PDE2A: variants seen among roughly 807,000 people sequenced by gnomAD.
The protein encoded by PDE2A is phosphodiesterase 2A, also known as cGMP-dependent 3',5'-cyclic phosphodiesterase.
In PDE2A, 53 loss-of-function variants were observed where a neutral mutation model predicts 133.6. That is an observed-to-expected ratio of 0.40 (90% CI 0.32 to 0.50). The LOEUF (loss-of-function observed/expected upper bound fraction) is 0.50, where lower values mean the gene tolerates loss of function less well. Ranked by LOEUF, PDE2A falls within the 20% of genes least tolerant of loss-of-function variation. The pLI, the probability that PDE2A is intolerant of heterozygous loss-of-function variation, is 0.73. For missense variants in PDE2A, 796 were observed against 1,232.4 expected (o/e 0.65, Z 5.30); for synonymous variants, 491 against 490.2 (o/e 1.00, Z -0.02).
At chr11:72,659,114 C>A (rs1034046018) in intron 1 of PDE2A, among the ~76,000 whole-genome samples, 4 of 151,924 alleles carry the variant, frequency 2.6e-5, no homozygotes, top group Non-Finnish European at 5.9e-5. Flanking sequence ...GATAAAGGAA[C>A]CTGCCCAAGC....
chr11:72,626,675 G>A lies in PDE2A; in HGVS notation c.144+15579C>T, dbSNP rs189706709. ...TCGCACAAGCTGCTCCTTCCCCAGCGAAGCCCTACTCCACCTGCAGCGGCA... is the reference window on the plus strand; with the variant it reads ...TCGCACAAGCTGCTCCTTCCCCAGCAAAGCCCTACTCCACCTGCAGCGGCA... On this transcript the variant is annotated intron_variant, in intron 2 of 30. Coordinates refer to ENST00000334456, the MANE Select transcript of PDE2A (RefSeq NM_002599.5). Among the ~76,000 whole-genome samples the A allele has an allele frequency of 2.5e-3, 380 of 152,210 alleles. 4 individuals are homozygous for A. The highest frequency in any genetic ancestry group is 8.6e-3 in the African/African-American group (358 of 41,512).
chr11:72,630,002 TCA>T (rs60388212), intron 2 of PDE2A, among the ~76,000 whole-genome samples: 1,534 of 150,920 alleles, frequency 0.01, 20 homozygotes, highest in African/African-American at 0.036. Context: ...TCTCTCTCTC[TCA>T]CACACACACA....
chr11:72,582,157 C>A (rs1017177492), intron 21 of PDE2A: 4 of 610,648 alleles, frequency 6.6e-6, no homozygotes, highest in African/African-American at 3.7e-5. Context: ...CAAGCCCACA[C>A]AAAATGTTAG....
rs1858452667 is a variant in PDE2A at position 72,632,431 on chromosome 11, G to T, written c.144+9823C>A. On this transcript the variant is annotated intron_variant, in intron 2 of 30. Coordinates refer to ENST00000334456, the MANE Select transcript of PDE2A (RefSeq NM_002599.5). ...GATGGTCTAGGTGTGGCCATCTCCG[G>T]CAGTGACTGTGGTGTGTGTCTGGGC... Among the ~76,000 whole-genome samples, 4 of 152,162 alleles carry T rather than the reference G, an allele frequency of 2.6e-5. No individual in the cohort carries two copies. The South Asian group carries it at 8.3e-4, about 32-fold the overall frequency.
intron 25 of PDE2A, among the ~76,000 whole-genome samples, chr11:72,580,263 C>T (rs1156335046): frequency 6.6e-6 from 1 of 152,148 alleles, no homozygotes; most frequent in Non-Finnish European, 1.5e-5. Flanking sequence ...GGTAGGCAGA[C>T]CCAAACCAAA....
In PDE2A at chr11:72,578,939, G is replaced by A. The variant is rs1273553098; in HGVS notation, c.2427C>T (p.Leu809=). The A allele has an allele frequency of 1.2e-6, 2 of 1,613,768 alleles. No individual in the cohort carries two copies. Among genetic ancestry groups the A allele is most frequent in the Middle Eastern group, 1.6e-4 (1 of 6,080 alleles). Residue 809 remains leucine (L), a synonymous_variant, in exon 28 of 31, where the codon CTC becomes CTT. Coordinates refer to ENST00000334456, the MANE Select transcript of PDE2A (RefSeq NM_002599.5). This position sits in a 1 kb window ranked among gnomAD's most constrained non-coding sequence, Gnocchi z 4.2. Reference sequence around the variant, plus strand: ...TCTTCCAGCCCTTGGTCTGGTCAGAGAGGTCACAGGAGGTCATGAGGAGGC... The same window carrying A: ...TCTTCCAGCCCTTGGTCTGGTCAGAAAGGTCACAGGAGGTCATGAGGAGGC... ...LLCLLMTSCD[L]SDQTKGWKTT... is the part of the protein sequence containing the mutation.
chr11:72,667,037 C>T (rs1216081824), intron 1 of PDE2A, among the ~76,000 whole-genome samples: 9 of 152,010 alleles, frequency 5.9e-5, no homozygotes, highest in South Asian at 2.1e-4. Flanking sequence ...GCCTGGGATG[C>T]GGAGGTTGCG....
chr11:72,641,239 C>T lies in PDE2A; in HGVS notation c.144+1015G>A, dbSNP rs538018052. 2.6e-5 allele frequency among the ~76,000 whole-genome samples: 4 copies of T among 152,372 alleles called. No individual in the cohort carries two copies. In the East Asian group the frequency reaches 7.7e-4, roughly 29 times the overall value. ...CAGTGCCCACCACATCATCCCCCCA[C>T]CACCTCAGATCCCTGGGCATCGCCT... is the stretch of plus-strand genomic sequence containing the variant. On this transcript the variant is annotated intron_variant, in intron 2 of 30. Coordinates refer to ENST00000334456, the MANE Select transcript of PDE2A (RefSeq NM_002599.5).
At chr11:72,577,631 A>G (rs1226849342) in intron 30 of PDE2A, 37 bp from the exon 31 acceptor site, 2 of 1,446,644 alleles carry the variant, frequency 1.4e-6, no homozygotes, top group Non-Finnish European at 1.9e-6. Flanking sequence ...GAGAGGCCAG[A>G]AATCAGACCA....
chr11:72,639,417 C>T (rs1201010835), intron 2 of PDE2A, among the ~76,000 whole-genome samples: 1 of 152,216 alleles, frequency 6.6e-6, no homozygotes, highest in Admixed American at 6.5e-5. Flanking sequence ...GCCCCGCTGA[C>T]ATGAGCCAGG....
chr11:72,638,492 C>T (rs948366472), intron 2 of PDE2A, among the ~76,000 whole-genome samples: 117 of 152,274 alleles, frequency 7.7e-4, no homozygotes, highest in African/African-American at 2.6e-3. Context: ...GGTGCACATG[C>T]GGAGCCCCAC....
intron 1 of PDE2A, among the ~76,000 whole-genome samples, chr11:72,644,169 C>A (rs977054681): frequency 6.6e-6 from 1 of 152,248 alleles, no homozygotes; most frequent in East Asian, 1.9e-4. Context: ...GAGGGCTTCC[C>A]TGGTTACTAC....
intron 2 of PDE2A, among the ~76,000 whole-genome samples, chr11:72,611,822 C>T (rs1857223685): frequency 6.6e-6 from 1 of 152,216 alleles, no homozygotes; most frequent in Admixed American, 6.5e-5. Flanking sequence ...TCAAGGCTTG[C>T]TCAAATGCCA....
At chr11:72,611,637 C>T (rs1461588809) in intron 2 of PDE2A, among the ~76,000 whole-genome samples, 4 of 152,178 alleles carry the variant, frequency 2.6e-5, no homozygotes, top group African/African-American at 9.7e-5. Flanking sequence ...GGCTTCCCAT[C>T]TGTGCTAGAG....
At chr11:72,585,301 C>T (rs1434929049) in intron 16 of PDE2A, 70 bp downstream of exon 16, 2 of 1,286,422 alleles carry the variant, frequency 1.6e-6, no homozygotes, top group African/African-American at 1.5e-5. Flanking sequence ...GTGGGTGGGG[C>T]AGGAAAGGAG....
rs1406374787 is a variant in PDE2A at position 72,590,776 on chromosome 11, C to T, written c.550-196G>A. On this transcript the variant is annotated intron_variant, in intron 7 of 30. Transcript: ENST00000334456. This position sits in a 1 kb window ranked among gnomAD's most constrained non-coding sequence, Gnocchi z 4.8. ...GGGCTCCCACAGCCCCTGGAGCGTC[C>T]GGCGGTCCAGGAACAGGAGGGTACA... is the stretch of plus-strand genomic sequence containing the variant. Among the ~76,000 whole-genome samples, 1 of 152,170 alleles carries T rather than the reference C, an allele frequency of 6.6e-6. No individual in the cohort carries two copies. The highest frequency in any genetic ancestry group is 2.4e-5 in the African/African-American group (1 of 41,432).
chr11:72,601,761 AG>A (rs1856760761), intron 4 of PDE2A, among the ~76,000 whole-genome samples: 1 of 152,202 alleles, frequency 6.6e-6, no homozygotes, highest in African/African-American at 2.4e-5. Flanking sequence ...GCCTCCTTTC[AG>A]GAAGACCCTG....
intron 1 of PDE2A, among the ~76,000 whole-genome samples, chr11:72,650,053 C>CTCTG (rs1315897180): frequency 1.4e-5 from 2 of 146,872 alleles, no homozygotes; most frequent in Admixed American, 6.8e-5. Flanking sequence ...TGGAGTCTTG[C>CTCTG]TCTGTCGCCC....
At chr11:72,604,491 C>G (rs944325752) in intron 4 of PDE2A, among the ~76,000 whole-genome samples, 1 of 152,204 alleles carries the variant, frequency 6.6e-6, no homozygotes, top group African/African-American at 2.4e-5. Flanking sequence ...AACAGACAGC[C>G]CTCACCATGG....
Sources: gnomAD v4.1 joint callset for allele counts (sites outside exome capture counted in the v4.1 genomes callset) on GRCh38, gnomAD v4.1.1 for gene constraint, Gnocchi (gnomAD v3.1) non-coding constraint, MANE v1.5 for transcripts, NCBI Gene and HGNC (gene_info 2026-07-23, HGNC 2026-07-21) for gene names.